TPO: variants seen among roughly 807,000 people sequenced by gnomAD.
TPO encodes thyroid microsomal antigen.
Under a neutral mutation model 96.9 loss-of-function variants are expected in TPO, and 78 were observed. That is an observed-to-expected ratio of 0.81 (90% CI 0.67 to 0.97). TPO has a LOEUF of 0.97. TPO is among the 50% of genes least tolerant of loss of function. The probability of loss-of-function intolerance (pLI) is 0.00; values close to 1 mark genes in which losing one functional copy is unlikely to be tolerated. For synonymous variants in TPO, 547 were observed against 538.0 expected, an observed-to-expected ratio of 1.02 and a Z score of -0.23; for missense variants, 1,252 against 1,274.8, an observed-to-expected ratio of 0.98 and a Z score of 0.27.
chr2:1,534,811 C>A (rs1679191348), intron 15 of TPO, among the ~76,000 whole-genome samples: 2 of 148,242 alleles, frequency 1.3e-5, no homozygotes, highest in Non-Finnish European at 3.0e-5. Flanking sequence ...CCCAAATCCC[C>A]CCCACTGTGT....
At chr2:1,456,338 G>A (rs1667784936) in intron 7 of TPO, 56 bp downstream of exon 7, 5 of 1,566,398 alleles carry the variant, frequency 3.2e-6, no homozygotes, top group Non-Finnish European at 3.5e-6. Flanking sequence ...TATTTAAAAC[G>A]TCAAACAGAA....
intron 15 of TPO, among the ~76,000 whole-genome samples, chr2:1,526,879 G>T (rs1055061146): frequency 1.7e-5 from 2 of 118,268 alleles, no homozygotes; most frequent in Admixed American, 1.9e-4. Flanking sequence ...TGCTTTGTGG[G>T]CAATGTCACA....
At chr2:1,506,038 C>T (rs1276800985) in intron 14 of TPO, among the ~76,000 whole-genome samples, 1 of 151,256 alleles carries the variant, frequency 6.6e-6, no homozygotes, top group South Asian at 2.1e-4. Flanking sequence ...CTTCCCCCCT[C>T]CCCCAACCCC....
chr2:1,391,548 G>A (rs1662000848), intron 1 of TPO, among the ~76,000 whole-genome samples: 2 of 152,132 alleles, frequency 1.3e-5, no homozygotes, highest in South Asian at 4.1e-4. Flanking sequence ...CCAATTCTGT[G>A]AAGAAAGTCA....
At chr2:1,499,010 C>T (rs1314467157) in intron 13 of TPO, among the ~76,000 whole-genome samples, 1 of 152,160 alleles carries the variant, frequency 6.6e-6, no homozygotes. Context: ...CTTCACTGTA[C>T]ACCTGCGTCT....
At chr2:1,538,483 A>ATAATT (rs1346896090) in intron 15 of TPO, among the ~76,000 whole-genome samples, 47 of 152,096 alleles carry the variant, frequency 3.1e-4, no homozygotes, top group Admixed American at 3.1e-3. Flanking sequence ...AATATAGAAA[A>ATAATT]TAATTTAAAA....
chr2:1,414,243 G>T, intron 1 of TPO, 165 bp from the exon 2 acceptor site: 1 of 681,668 alleles, frequency 1.5e-6, no homozygotes, highest in South Asian at 1.6e-5. Flanking sequence ...GACATGGACG[G>T]CGACTCTGGT....
chr2:1,509,921 C>A (rs897934550), intron 14 of TPO, among the ~76,000 whole-genome samples: 1 of 150,332 alleles, frequency 6.7e-6, no homozygotes, highest in East Asian at 2.0e-4. Flanking sequence ...GACACCCCAC[C>A]CTGTTGTTTC....
chr2:1,459,913 C>A lies in TPO; in HGVS notation c.819+3631C>A, dbSNP rs144071757. Among the ~76,000 whole-genome samples the A allele has an allele frequency of 1.3e-3, 203 of 151,226 alleles. 3 individuals are homozygous for A. The East Asian group carries it at 0.03, about 22-fold the overall frequency. On this transcript the variant is annotated intron_variant, in intron 7 of 16. Coordinates refer to ENST00000329066, the MANE Select transcript of TPO (RefSeq NM_001206744.2). ...GGCGGCCCCCTGCATGTGTTCCCTG[C>A]TGCATGTACCTCTAACCTGGGATTC...
chr2:1,526,159 A>G (rs548018230), intron 15 of TPO, among the ~76,000 whole-genome samples: 25 of 84,954 alleles, frequency 2.9e-4, no homozygotes, highest in African/African-American at 9.9e-4. Flanking sequence ...CAAACCTCCA[A>G]ATCCCCCCAC....
At chr2:1,441,157 G>A (rs972239285) in intron 5 of TPO, among the ~76,000 whole-genome samples, 50 of 150,024 alleles carry the variant, frequency 3.3e-4, no homozygotes, top group African/African-American at 1.1e-3. Context: ...AGTGAGTGCC[G>A]CAGGAGGCAG....
chr2:1,542,604 TGTC>T lies in TPO; in HGVS notation c.*133_*135del. The stretch of plus-strand genomic sequence containing the variant: ...CCCAACACGGGTAAATCTAGTACCA[TGTC>T]GTAGTTACTCTCAGGCATGGATGAA... On this transcript the variant is annotated 3_prime_UTR_variant, in exon 17 of 17. Transcript: ENST00000329066. 6.4e-7 allele frequency: 1 copy of T among 1,555,656 alleles called. No individual in the cohort carries two copies.
rs201659055 is a variant in TPO, at chr2:1,516,888, G to A, written c.2524G>A (p.Gly842Arg). ...GDDGRTCVDS[G>R]RLPRVTWISM... ...GGCCTCTTTCTGTGCCCCAGACTCC[G>A]GGAGGCTCCCTCGGGTGACTTGGAT... The change falls in exon 15 of 17, where the codon GGG becomes AGG. Residue 842 changes from glycine to arginine, a missense_variant. Transcript: ENST00000329066. 459 of 1,613,796 alleles carry A rather than the reference G, an allele frequency of 2.8e-4. No homozygotes were observed. Among genetic ancestry groups the A allele is most frequent in the Non-Finnish European group, 2.4e-4 (278 of 1,180,034 alleles).
At chr2:1,411,593 G>A (rs770853223), upstream of TPO, among the ~76,000 whole-genome samples, 5 of 152,306 alleles carry the variant, frequency 3.3e-5, no homozygotes, top group South Asian at 2.1e-4. Flanking sequence ...AAAGGGCCAC[G>A]TGCTTAGTGG....
At chr2:1,469,314 G>A (rs920855014) in intron 7 of TPO, among the ~76,000 whole-genome samples, 2 of 152,162 alleles carry the variant, frequency 1.3e-5, no homozygotes, top group Admixed American at 6.5e-5. Context: ...TGGTTTTCTG[G>A]TTCCTTCTCA....
chr2:1,472,827 CA>C (rs34064729), intron 7 of TPO, among the ~76,000 whole-genome samples: 1,110 of 48,216 alleles, frequency 0.023, 5 homozygotes, highest in African/African-American at 0.036. Context: ...TGTTTGGCGG[CA>C]AAAAAAAAAA....
At chr2:1,508,064 T>C (rs1673670411) in intron 14 of TPO, among the ~76,000 whole-genome samples, 1 of 152,122 alleles carries the variant, frequency 6.6e-6, no homozygotes, top group Non-Finnish European at 1.5e-5. Flanking sequence ...TTCCCATCAA[T>C]ACCTAATTTA....
At chr2:1,508,203 G>A (rs959521114) in intron 14 of TPO, among the ~76,000 whole-genome samples, 76 of 152,174 alleles carry the variant, frequency 5.0e-4, no homozygotes, top group African/African-American at 1.8e-3. Context: ...ATTTGCGTAT[G>A]TTGAACCAGC....
chr2:1,451,989 C>T (rs549403954), intron 5 of TPO, among the ~76,000 whole-genome samples: 62 of 152,200 alleles, frequency 4.1e-4, no homozygotes, highest in Non-Finnish European at 7.2e-4. Flanking sequence ...TATGTATGCT[C>T]ATGTTATATA....
Sources: allele counts gnomAD v4.1 joint callset (sites outside exome capture counted in the v4.1 genomes callset), GRCh38; gene constraint gnomAD v4.1.1; transcripts MANE v1.5; gene names NCBI Gene and HGNC (gene_info 2026-07-23, HGNC 2026-07-21).